HDAC9: variants seen among roughly 807,000 people sequenced by gnomAD.
HDAC9 encodes histone deacetylase 9, also known as MEF-2 interacting transcription repressor (MITR) protein.
HDAC9 carries 41 observed loss-of-function variants against 139.4 expected under a neutral mutation model. The observed-to-expected ratio is 0.29, with a 90% CI of 0.23 to 0.38. The LOEUF (loss-of-function observed/expected upper bound fraction) is 0.38. HDAC9 is among the 10% of genes least tolerant of loss of function. The pLI is 1.00. For missense variants in HDAC9, 1,147 were observed against 1,297.0 expected (o/e 0.88, Z 1.78); for synonymous variants, 517 against 476.2 (o/e 1.09, Z -1.12).
intron 1 of HDAC9, among the ~76,000 whole-genome samples, chr7:18,095,765 T>A (rs1448317167): frequency 1.3e-5 from 2 of 152,220 alleles, no homozygotes. Context: ...ACAACAGAAT[T>A]GATGAAATTA....
intron 2 of HDAC9, among the ~76,000 whole-genome samples, chr7:18,204,834 TG>T (rs1320266097): frequency 1.3e-5 from 2 of 152,192 alleles, no homozygotes; most frequent in South Asian, 2.1e-4. Flanking sequence ...TGCAATATGT[TG>T]TTTTTTTATT....
intron 17 of HDAC9, among the ~76,000 whole-genome samples, chr7:18,795,289 A>AAAAAAAAAAAAAAAAAC (rs1792700829): frequency 6.9e-6 from 1 of 144,286 alleles, no homozygotes; most frequent in African/African-American, 2.5e-5. Context: ...AAAAAAAGAA[A>AAAAAAAAAAAAAAAAAC]AGCCAGCCTA....
intron 2 of HDAC9, among the ~76,000 whole-genome samples, chr7:18,578,685 T>G (rs1826808685): frequency 1.3e-5 from 2 of 152,206 alleles, no homozygotes; most frequent in African/African-American, 4.8e-5. Flanking sequence ...AAGCTAGGTA[T>G]TTCTCATTGC....
intron 1 of HDAC9, among the ~76,000 whole-genome samples, chr7:18,487,469 C>T (rs1796056085): frequency 2.0e-5 from 3 of 151,914 alleles, no homozygotes; most frequent in African/African-American, 7.3e-5. Flanking sequence ...CTTGAATGGC[C>T]TTAGAGTGTG....
In HDAC9 at chr7:18,629,490, G is replaced by C. The variant is rs768593577; in HGVS notation, c.796+9G>C. ...AATGTTTGAGGTGACAGGTAATTGA[G>C]GACTGGGCAGACCTATGAATGCTGG... On this transcript the variant is annotated intron_variant, in intron 7 of 25. Coordinates refer to ENST00000686413, the MANE Select transcript of HDAC9 (RefSeq NM_178425.4). 6.2e-6 allele frequency: 10 copies of C among 1,610,034 alleles called. No individual in the cohort carries two copies. Among genetic ancestry groups the C allele is most frequent in the Non-Finnish European group, 8.5e-6 (10 of 1,177,722 alleles).
chr7:18,240,121 A>G (rs1794093044), intron 2 of HDAC9, among the ~76,000 whole-genome samples: 1 of 152,116 alleles, frequency 6.6e-6, no homozygotes, highest in Admixed American at 6.5e-5. Flanking sequence ...TAAGATCTAA[A>G]TGTAAGCATT....
chr7:18,963,409 T>C (rs7808621), intron 24 of HDAC9, among the ~76,000 whole-genome samples: 122,363 of 152,056 alleles, frequency 0.8, 49,424 homozygotes, highest in South Asian at 0.84. Flanking sequence ...ATGCAGAGAT[T>C]AAGCCCAACA....
intron 23 of HDAC9, among the ~76,000 whole-genome samples, chr7:18,945,566 A>G (rs1020051506): frequency 2.0e-5 from 3 of 152,168 alleles, no homozygotes; most frequent in African/African-American, 7.2e-5. Context: ...TGGATTCCCA[A>G]AGTCAAGAAA....
chr7:18,771,271 G>A (rs1790267141), intron 16 of HDAC9, among the ~76,000 whole-genome samples: 1 of 152,180 alleles, frequency 6.6e-6, no homozygotes, highest in East Asian at 1.9e-4. Flanking sequence ...TTCATATTCT[G>A]TTTGGTTACA....
At chr7:18,729,599 T>C (rs1471344129) in intron 13 of HDAC9, among the ~76,000 whole-genome samples, 1 of 152,198 alleles carries the variant, frequency 6.6e-6, no homozygotes, top group African/African-American at 2.4e-5. Context: ...AAGGGTAGAC[T>C]GTAAACCCAG....
chr7:18,286,889 C>T (rs1797487199), upstream of HDAC9, among the ~76,000 whole-genome samples: 1 of 152,132 alleles, frequency 6.6e-6, no homozygotes, highest in Non-Finnish European at 1.5e-5. Context: ...TGGGTGCTTT[C>T]TATGACACGC....
chr7:18,902,846 T>C (rs1391542191), intron 22 of HDAC9, among the ~76,000 whole-genome samples: 1 of 152,228 alleles, frequency 6.6e-6, no homozygotes, highest in Non-Finnish European at 1.5e-5. Flanking sequence ...CTAGTTTACA[T>C]GTACAAATTT....
rs181453027 is a variant in HDAC9, at chr7:18,773,607, G to T, written c.2214+6452G>T. Among the ~76,000 whole-genome samples the T allele has an allele frequency of 3.3e-5, 5 of 152,100 alleles. No homozygotes were observed. The East Asian group carries it at 9.7e-4, about 29-fold the overall frequency. On this transcript the variant is annotated intron_variant, in intron 16 of 25. Transcript: ENST00000686413. ...AAAGCTGAGAAAGTAAAACATACTT[G>T]AATAGATTTGAAAATATGATCATCT...
intron 1 of HDAC9, among the ~76,000 whole-genome samples, chr7:18,433,896 T>C (rs1363299097): frequency 6.6e-6 from 1 of 152,090 alleles, no homozygotes; most frequent in Non-Finnish European, 1.5e-5. Flanking sequence ...CCAACCTTTT[T>C]CACAAAATTG....
chr7:18,420,836 C>T lies in HDAC9; in HGVS notation c.-41-75426C>T, dbSNP rs192382937. ...AATGAAGCAATTAAGTGTGCTTGGA[C>T]ACCTGCTTTAGATTGTGTGGTCAAG... On this transcript the variant is annotated intron_variant, in intron 1 of 3. Transcript: ENST00000413509. Among the ~76,000 whole-genome samples the T allele has an allele frequency of 2.6e-4, 40 of 152,296 alleles. No individual in the cohort carries two copies. In the East Asian group the frequency reaches 7.5e-3, roughly 29 times the overall value.
At chr7:18,311,092 G>GAT (rs200558602) in intron 1 of HDAC9, among the ~76,000 whole-genome samples, 101,530 of 151,070 alleles carry the variant, frequency 0.67, 34,840 homozygotes, top group South Asian at 0.81. Context: ...TCTGGAGAGA[G>GAT]GTGATGATGA....
intron 1 of HDAC9, among the ~76,000 whole-genome samples, chr7:18,102,188 C>T (rs1331543359): frequency 6.6e-6 from 1 of 152,144 alleles, no homozygotes; most frequent in Admixed American, 6.6e-5. Context: ...CATCTTGTTA[C>T]TTCAAGAGTT....
At chr7:18,097,487 C>G (rs1782587143) in intron 1 of HDAC9, among the ~76,000 whole-genome samples, 1 of 150,484 alleles carries the variant, frequency 6.6e-6, no homozygotes, top group African/African-American at 2.4e-5. Context: ...TTTTAATGAC[C>G]CAGGTTATCT....
intron 1 of HDAC9, 70 bp downstream of exon 1, chr7:18,496,093 T>A (rs1796862200): frequency 7.1e-7 from 1 of 1,407,758 alleles, no homozygotes; most frequent in Admixed American, 2.6e-5. Context: ...AAGGAAATCA[T>A]TGTCGAAGTT....
Sources: gnomAD v4.1 joint callset for allele counts (sites outside exome capture counted in the v4.1 genomes callset) on GRCh38, gnomAD v4.1.1 for gene constraint, MANE v1.5 for transcripts, NCBI Gene and HGNC (gene_info 2026-07-23, HGNC 2026-07-21) for gene names.